ZNF569: variants seen among roughly 807,000 people sequenced by gnomAD.
ZNF569 encodes the protein DNA-binding protein.
Under a neutral mutation model 56.3 loss-of-function variants are expected in ZNF569, and 38 were observed. The ratio of observed to expected loss-of-function variants is 0.68; its 90% confidence interval spans 0.52 to 0.88. The LOEUF (loss-of-function observed/expected upper bound fraction) is 0.88, where lower values mean the gene tolerates loss of function less well. ZNF569 is among the 40% of genes least tolerant of loss of function. The pLI is 0.00. For synonymous variants in ZNF569, 241 were observed against 262.9 expected (o/e 0.92, Z 0.81); for missense variants, 666 against 809.2 (o/e 0.82, Z 2.15).
intron 2 of ZNF569, among the ~76,000 whole-genome samples, chr19:37,448,832 C>T (rs1035290466): frequency 2.6e-5 from 4 of 151,992 alleles, no homozygotes; most frequent in Non-Finnish European, 5.9e-5. Context: ...CAAAGAGCCA[C>T]CGCATCCGGC....
At chr19:37,419,951 TTC>T (rs1258078012) in intron 5 of ZNF569, among the ~76,000 whole-genome samples, 5 of 146,998 alleles carry the variant, frequency 3.4e-5, no homozygotes, top group African/African-American at 1.0e-4. Flanking sequence ...CTGTAGCAAT[TTC>T]TTTTTTCTTT....
chr19:37,464,785 T>C (rs1036855036), intron 2 of ZNF569, among the ~76,000 whole-genome samples: 2 of 152,230 alleles, frequency 1.3e-5, no homozygotes, highest in African/African-American at 4.8e-5. Flanking sequence ...AATTGGTCTC[T>C]GTGCTTCTTC....
intron 3 of ZNF569, among the ~76,000 whole-genome samples, chr19:37,437,025 A>C (rs2041320734): frequency 1.3e-5 from 2 of 151,658 alleles, no homozygotes; most frequent in African/African-American, 4.8e-5. Flanking sequence ...CAAAAAAAAA[A>C]AAAAAAAGAA....
At chr19:37,446,663 TA>T (rs1324320286) in intron 2 of ZNF569, among the ~76,000 whole-genome samples, 1 of 151,682 alleles carries the variant, frequency 6.6e-6, no homozygotes, top group Non-Finnish European at 1.5e-5. Context: ...ATAAAAATTC[TA>T]AAAGATAACA....
chr19:37,444,835 A>G (rs2041466500), intron 3 of ZNF569, 72 bp downstream of exon 3: 1 of 1,209,600 alleles, frequency 8.3e-7, no homozygotes, highest in African/African-American at 1.5e-5. Flanking sequence ...AATTTACTGT[A>G]TGAATTACTG....
chr19:37,425,859 T>A lies in ZNF569; in HGVS notation c.238+9A>T. The A allele has an allele frequency of 6.2e-7, 1 of 1,610,942 alleles. No homozygotes were observed. The highest frequency in any genetic ancestry group is 8.5e-7 in the Non-Finnish European group (1 of 1,177,166). On this transcript the variant is annotated intron_variant, in intron 5 of 5. Transcript: ENST00000316950. ...CCTCTCCTCACCTGTCTGGTTCCCT[T>A]CCACTAACCTTGCCAGTGTCTCCTT...
chr19:37,418,454 A>G (rs1055305196), intron 5 of ZNF569, among the ~76,000 whole-genome samples: 1 of 152,236 alleles, frequency 6.6e-6, no homozygotes. Flanking sequence ...GACAAAGACC[A>G]TAACAGACAA....
intron 2 of ZNF569, among the ~76,000 whole-genome samples, chr19:37,457,051 C>T (rs1419961864): frequency 1.6e-5 from 1 of 62,450 alleles, no homozygotes; most frequent in African/African-American, 7.0e-5. Flanking sequence ...ACTTCTAAAA[C>T]CCTTAATCTA....
intron 5 of ZNF569, among the ~76,000 whole-genome samples, chr19:37,420,031 G>C (rs2041006821): frequency 7.1e-6 from 1 of 140,956 alleles, no homozygotes; most frequent in African/African-American, 2.7e-5. Context: ...AGAGTGCAGA[G>C]GCTAGAGTGC....
chr19:37,460,943 T>A (rs990553105), intron 2 of ZNF569, among the ~76,000 whole-genome samples: 14 of 152,070 alleles, frequency 9.2e-5, no homozygotes. Context: ...AGAAAATAAG[T>A]GCAGTGATTT....
At chr19:37,468,924 A>T (rs2146996414), upstream of ZNF569, 1 of 497,378 alleles carries the variant, frequency 2.0e-6, no homozygotes, top group East Asian at 1.5e-4. Context: ...AATTCTAGGA[A>T]TTCGCCTCCC....
upstream of ZNF569, chr19:37,469,152 T>A (rs1397859592): frequency 1.2e-5 from 14 of 1,132,324 alleles, no homozygotes; most frequent in Non-Finnish European, 1.4e-5. Context: ...ACTTTCGGGC[T>A]CTCTGGAAGG....
intron 2 of ZNF569, among the ~76,000 whole-genome samples, chr19:37,450,965 G>T (rs1790097625): frequency 6.6e-6 from 1 of 152,110 alleles, no homozygotes; most frequent in African/African-American, 2.4e-5. Flanking sequence ...TCATTCTACT[G>T]TGGTCAGAAA....
upstream of ZNF569, chr19:37,468,901 G>T: frequency 3.2e-6 from 1 of 316,904 alleles, no homozygotes; most frequent in Non-Finnish European, 4.6e-6. Flanking sequence ...AATTTTTTTC[G>T]GGTATCCAGC....
At chr19:37,451,949 T>G (rs2041600798) in intron 2 of ZNF569, among the ~76,000 whole-genome samples, 1 of 152,186 alleles carries the variant, frequency 6.6e-6, no homozygotes, top group Non-Finnish European at 1.5e-5. Flanking sequence ...TAGGGAAGAA[T>G]TTACTATTGC....
At chr19:37,457,033 C>A (rs2041682997) in intron 2 of ZNF569, among the ~76,000 whole-genome samples, 1 of 142,948 alleles carries the variant, frequency 7.0e-6, no homozygotes, top group Admixed American at 7.1e-5. Flanking sequence ...AAGATCAGTA[C>A]AAAGAATACT....
intron 2 of ZNF569, among the ~76,000 whole-genome samples, chr19:37,462,759 C>T (rs62110434): frequency 0.11 from 17,164 of 152,076 alleles, 1,222 homozygotes; most frequent in Non-Finnish European, 0.16. Context: ...CAGTCATTTG[C>T]CTCTACCTTT....
chr19:37,431,122 C>T (rs2041218775), intron 3 of ZNF569, among the ~76,000 whole-genome samples: 1 of 152,138 alleles, frequency 6.6e-6, no homozygotes. Flanking sequence ...GTCTAGGCCA[C>T]AGGAATTGCA....
At chr19:37,426,061 A>G in intron 4 of ZNF569, 98 bp from the exon 5 acceptor site, 1 of 1,412,294 alleles carries the variant, frequency 7.1e-7, no homozygotes, top group South Asian at 1.3e-5. Context: ...CTAAAGGACA[A>G]GAAAATGTGG....
Sources: allele counts gnomAD v4.1 joint callset (sites outside exome capture counted in the v4.1 genomes callset), GRCh38; gene constraint gnomAD v4.1.1; transcripts MANE v1.5; gene names NCBI Gene and HGNC (gene_info 2026-07-23, HGNC 2026-07-21).